The following ZNF277 variants were observed in gnomAD, a reference collection of about 807,000 sequenced individuals.
The protein encoded by ZNF277 is nuclear receptor-interacting factor 4.
In ZNF277, 55 loss-of-function variants were observed where a neutral mutation model predicts 60.7. The ratio of observed to expected loss-of-function variants is 0.91; its 90% CI spans 0.73 to 1.13. ZNF277 has a LOEUF of 1.13. Among genes scored for constraint, ZNF277 ranks in the 50% most tolerant of loss-of-function variants. ZNF277 has a pLI of 0.00. For synonymous variants in ZNF277, 178 were observed against 179.3 expected (o/e 0.99, Z 0.06); for missense variants, 510 against 523.0 (o/e 0.98, Z 0.24).
At chr7:112,262,022 G>A (rs969761204) in intron 1 of ZNF277, among the ~76,000 whole-genome samples, 10 of 151,948 alleles carry the variant, frequency 6.6e-5, no homozygotes, top group African/African-American at 2.4e-4. Flanking sequence ...GTGTCTTGTA[G>A]CATATGAGTA....
intron 1 of ZNF277, among the ~76,000 whole-genome samples, chr7:112,273,034 G>A (rs548319615): frequency 6.6e-6 from 1 of 152,202 alleles, no homozygotes; most frequent in South Asian, 2.1e-4. Context: ...TGTTTGCCAG[G>A]GGTGGCACAA....
chr7:112,307,868 T>A (rs901490512), intron 4 of ZNF277, among the ~76,000 whole-genome samples: 2 of 151,950 alleles, frequency 1.3e-5, no homozygotes, highest in Non-Finnish European at 2.9e-5. Flanking sequence ...AATACATACA[T>A]ACATATGTAT....
intron 1 of ZNF277, among the ~76,000 whole-genome samples, chr7:112,208,389 A>C (rs554271774): frequency 5.8e-4 from 88 of 152,130 alleles, no homozygotes; most frequent in Non-Finnish European, 9.4e-4. Flanking sequence ...CAAAACAAAA[A>C]AAAAGGATAT....
chr7:112,302,258 C>T (rs1018959279), intron 4 of ZNF277, among the ~76,000 whole-genome samples: 3 of 151,794 alleles, frequency 2.0e-5, no homozygotes, highest in African/African-American at 7.3e-5. Flanking sequence ...TGTGTCTCAC[C>T]TCTCCCCACA....
intron 1 of ZNF277, among the ~76,000 whole-genome samples, chr7:112,281,017 T>A (rs1791931829): frequency 1.3e-5 from 2 of 152,230 alleles, no homozygotes; most frequent in South Asian, 4.1e-4. Context: ...TACTGAATTA[T>A]GTCTGCTCTC....
intron 4 of ZNF277, among the ~76,000 whole-genome samples, chr7:112,307,269 C>G (rs2117094559): frequency 6.6e-6 from 1 of 152,120 alleles, no homozygotes; most frequent in Non-Finnish European, 1.5e-5. Flanking sequence ...ATTTAAAATA[C>G]AAACTTTTGT....
Position 112,334,649 on chromosome 7 carries a change from A to G in ZNF277, c.802-1455A>G, listed in dbSNP as rs574512857. Reference sequence around the variant, plus strand: ...AGTTGCAAAATAATGCTTTGAGTTTAGAAGTTTAACAGTGAAAGATATTTT... The same window carrying G: ...AGTTGCAAAATAATGCTTTGAGTTTGGAAGTTTAACAGTGAAAGATATTTT... On this transcript the variant is annotated intron_variant, in intron 7 of 11. Transcript: ENST00000361822. Among the ~76,000 whole-genome samples, 3 of 152,336 alleles carry G rather than the reference A, an allele frequency of 2.0e-5. No homozygotes were observed. The South Asian group carries it at 6.2e-4, about 32-fold the overall frequency.
At chr7:112,286,497 G>A (rs1477057754) in intron 1 of ZNF277, among the ~76,000 whole-genome samples, 1 of 152,160 alleles carries the variant, frequency 6.6e-6, no homozygotes, top group African/African-American at 2.4e-5. Context: ...CTTAGCCATA[G>A]GTCACAATTG....
intron 1 of ZNF277, among the ~76,000 whole-genome samples, chr7:112,270,005 C>G (rs949625132): frequency 6.6e-6 from 1 of 151,982 alleles, no homozygotes; most frequent in Non-Finnish European, 1.5e-5. Flanking sequence ...AGGGACAGAT[C>G]GTTCAAAACC....
At chr7:112,272,251 A>G (rs1446629003) in intron 1 of ZNF277, among the ~76,000 whole-genome samples, 2 of 152,204 alleles carry the variant, frequency 1.3e-5, no homozygotes, top group Non-Finnish European at 2.9e-5. Context: ...ACATTGTTGC[A>G]GATGACAAGA....
At chr7:112,248,119 G>A (rs1427333233) in intron 1 of ZNF277, among the ~76,000 whole-genome samples, 1 of 152,176 alleles carries the variant, frequency 6.6e-6, no homozygotes, top group Non-Finnish European at 1.5e-5. Flanking sequence ...GTTGGGTAAT[G>A]ATTTATCTTT....
chr7:112,267,364 C>A (rs1276416745), intron 1 of ZNF277, among the ~76,000 whole-genome samples: 1 of 152,150 alleles, frequency 6.6e-6, no homozygotes, highest in Admixed American at 6.6e-5. Context: ...AAGCTAGTAT[C>A]TTTTGATGCT....
At chr7:112,233,791 CTAATTGAAAATTGAGAACA>C (rs1260459682) in intron 1 of ZNF277, among the ~76,000 whole-genome samples, 1 of 152,046 alleles carries the variant, frequency 6.6e-6, no homozygotes, top group Non-Finnish European at 1.5e-5. Context: ...AATTGAGAAC[CTAATTGAAAATTGAGAACA>C]ACTTGTTATT....
intron 9 of ZNF277, among the ~76,000 whole-genome samples, chr7:112,338,438 G>A (rs539051957): frequency 7.6e-4 from 116 of 152,284 alleles, no homozygotes; most frequent in African/African-American, 2.6e-3. Flanking sequence ...GGATAGGGAA[G>A]GGGAACATGT....
intron 5 of ZNF277, among the ~76,000 whole-genome samples, chr7:112,326,641 T>TAAA (rs72193139): frequency 3.7e-4 from 54 of 145,190 alleles, no homozygotes; most frequent in South Asian, 6.6e-4. Context: ...CTTACATAGT[T>TAAA]AAAAAAAAAA....
chr7:112,299,134 G>A (rs1484589030), intron 4 of ZNF277, among the ~76,000 whole-genome samples: 2 of 152,264 alleles, frequency 1.3e-5, no homozygotes, highest in East Asian at 3.9e-4. Flanking sequence ...GGCTGAATTT[G>A]CCATCAGCCA....
intron 1 of ZNF277, among the ~76,000 whole-genome samples, chr7:112,246,261 A>C (rs1369683154): frequency 6.6e-6 from 1 of 152,038 alleles, no homozygotes; most frequent in African/African-American, 2.4e-5. Context: ...GATGGTACAC[A>C]CCTATAGTCC....
chr7:112,289,851 A>G (rs1263824412), intron 2 of ZNF277, among the ~76,000 whole-genome samples: 3 of 151,288 alleles, frequency 2.0e-5, no homozygotes, highest in Non-Finnish European at 4.4e-5. Context: ...CAGCCTCCCC[A>G]AGTAGCTGGG....
intron 1 of ZNF277, among the ~76,000 whole-genome samples, chr7:112,272,850 T>G (rs1389175171): frequency 6.6e-6 from 1 of 152,210 alleles, no homozygotes; most frequent in African/African-American, 2.4e-5. Flanking sequence ...CTATACTAAT[T>G]TGTGTTCCCA....
Sources: allele counts gnomAD v4.1 joint callset (sites outside exome capture counted in the v4.1 genomes callset), GRCh38; gene constraint gnomAD v4.1.1; transcripts MANE v1.5; gene names NCBI Gene and HGNC (gene_info 2026-07-23, HGNC 2026-07-21).